The following AGTPBP1 variants were observed in gnomAD, a reference collection of about 807,000 sequenced individuals.
The protein encoded by AGTPBP1 is cytosolic carboxypeptidase 1.
AGTPBP1 carries 70 observed loss-of-function variants against 143.9 expected under a neutral mutation model. The ratio of observed to expected loss-of-function variants is 0.49; its 90% CI spans 0.40 to 0.59. AGTPBP1 has a LOEUF of 0.59. Ranked by LOEUF, AGTPBP1 falls within the 20% of genes least tolerant of loss-of-function variation. AGTPBP1 has a pLI of 0.00. For missense variants in AGTPBP1, 1,229 were observed against 1,464.5 expected (o/e 0.84, Z 2.62); for synonymous variants, 463 against 500.2 (o/e 0.93, Z 0.99).
chr9:85,710,516 A>C (rs1341222700), intron 2 of AGTPBP1, among the ~76,000 whole-genome samples: 1 of 152,116 alleles, frequency 6.6e-6, no homozygotes, highest in Non-Finnish European at 1.5e-5. Context: ...CACAGTCTCA[A>C]TATGCCATAC....
At chr9:85,622,307 A>G (rs1830984541) in intron 14 of AGTPBP1, among the ~76,000 whole-genome samples, 1 of 152,222 alleles carries the variant, frequency 6.6e-6, no homozygotes, top group South Asian at 2.1e-4. Context: ...TTAAACACTG[A>G]CAGTCTTAAA....
At chr9:85,643,275 T>G (rs1832611555) in intron 12 of AGTPBP1, among the ~76,000 whole-genome samples, 1 of 152,160 alleles carries the variant, frequency 6.6e-6, no homozygotes, top group East Asian at 1.9e-4. Context: ...ATAAAACAGC[T>G]AACATTAAGC....
intron 1 of AGTPBP1, among the ~76,000 whole-genome samples, chr9:85,721,889 T>C (rs1403572214): frequency 6.6e-6 from 1 of 152,238 alleles, no homozygotes; most frequent in Non-Finnish European, 1.5e-5. Context: ...CTCTCAGCAT[T>C]TGCTTGTCTG....
intron 1 of AGTPBP1, among the ~76,000 whole-genome samples, chr9:85,714,599 T>C (rs140170501): frequency 7.2e-5 from 11 of 152,244 alleles, no homozygotes; most frequent in African/African-American, 1.2e-4. Context: ...AAAAAGACAA[T>C]TGTAAAATGT....
intron 13 of AGTPBP1, among the ~76,000 whole-genome samples, chr9:85,641,372 A>T (rs983793261): frequency 1.3e-5 from 2 of 152,210 alleles, no homozygotes; most frequent in Non-Finnish European, 2.9e-5. Flanking sequence ...CAAATGTGTT[A>T]AAAGAGCTCA....
intron 13 of AGTPBP1, among the ~76,000 whole-genome samples, chr9:85,641,233 A>G (rs1309801336): frequency 6.6e-6 from 1 of 152,238 alleles, no homozygotes; most frequent in Non-Finnish European, 1.5e-5. Flanking sequence ...AGTAGAAGGT[A>G]CAGAAGAAAC....
intron 6 of AGTPBP1, 77 bp downstream of exon 6, chr9:85,677,359 G>A (rs1834893485): frequency 7.6e-7 from 1 of 1,308,274 alleles, no homozygotes; most frequent in Non-Finnish European, 1.1e-6. Context: ...TTTAAAAACT[G>A]AGTAGTTACA....
At chr9:85,587,603 A>G (rs900658695) in intron 21 of AGTPBP1, among the ~76,000 whole-genome samples, 11 of 152,186 alleles carry the variant, frequency 7.2e-5, no homozygotes, top group African/African-American at 1.9e-4. Flanking sequence ...AAGAAATTCT[A>G]TATTTTAAAA....
intron 25 of AGTPBP1, among the ~76,000 whole-genome samples, chr9:85,556,570 T>A (rs1186236256): frequency 3.3e-5 from 5 of 152,136 alleles, no homozygotes; most frequent in African/African-American, 1.2e-4. Context: ...TACAATTACC[T>A]GGTACATACA....
chr9:85,569,397 T>C (rs762331528), intron 25 of AGTPBP1, among the ~76,000 whole-genome samples: 11 of 151,944 alleles, frequency 7.2e-5, no homozygotes, highest in Non-Finnish European at 1.2e-4. Flanking sequence ...CTATATTATA[T>C]TACTATAAAA....
At chr9:85,798,869 C>T in the AGTPBP1 span, among the ~76,000 whole-genome samples, 1 of 151,976 alleles carries the variant, frequency 6.6e-6, no homozygotes, top group African/African-American at 2.4e-5. Flanking sequence ...TATCATTATA[C>T]TTTAAGTTCT....
chr9:85,591,879 G>T (rs1194880414), intron 19 of AGTPBP1, among the ~76,000 whole-genome samples: 1 of 152,026 alleles, frequency 6.6e-6, no homozygotes. Flanking sequence ...CATTAGAATA[G>T]ATATTCTGTT....
the AGTPBP1 span, among the ~76,000 whole-genome samples, chr9:85,779,243 ATATCT>A: frequency 7.4e-6 from 1 of 134,418 alleles, no homozygotes; most frequent in Non-Finnish European, 1.6e-5. Context: ...ATAGATATAG[ATATCT>A]ATATAAATAT....
the AGTPBP1 span, among the ~76,000 whole-genome samples, chr9:85,789,200 C>CA: frequency 6.6e-6 from 1 of 152,048 alleles, no homozygotes. Flanking sequence ...GCCACATATG[C>CA]AAACACACAT....
In AGTPBP1 at chr9:85,741,808, A is replaced by G; in HGVS notation, c.-67T>C. ...GATGGGGCGCTGGCGGGGACCGCGC[A>G]GAGCCGCAGCACCCGGCTCAGCACC... is the stretch of plus-strand genomic sequence containing the variant. On this transcript the variant is annotated 5_prime_UTR_variant, in exon 1 of 26. Transcript: ENST00000357081. The G allele has an allele frequency of 7.3e-7, 1 of 1,375,796 alleles. No individual in the cohort carries two copies. Among genetic ancestry groups the G allele is most frequent in the Non-Finnish European group, 9.4e-7 (1 of 1,066,900 alleles). 85.2% of individuals were successfully genotyped at this position (1,375,796 alleles called of 1,614,324 possible).
intron 19 of AGTPBP1, among the ~76,000 whole-genome samples, chr9:85,590,315 T>A (rs1235635364): frequency 6.6e-6 from 1 of 152,022 alleles, no homozygotes; most frequent in Non-Finnish European, 1.5e-5. Context: ...TACAGACTTT[T>A]ATAATTTGAT....
chr9:85,682,920 T>G (rs12339559), intron 3 of AGTPBP1, among the ~76,000 whole-genome samples: 3,091 of 152,324 alleles, frequency 0.02, 90 homozygotes, highest in African/African-American at 0.063. Context: ...GGACATAGTA[T>G]AATGTTATTT....
the AGTPBP1 span, among the ~76,000 whole-genome samples, chr9:85,747,694 G>A: frequency 6.6e-6 from 1 of 152,098 alleles, no homozygotes; most frequent in Admixed American, 6.6e-5. Context: ...AAGAGTATGA[G>A]TTTAATTGCA....
intron 13 of AGTPBP1, among the ~76,000 whole-genome samples, chr9:85,637,356 T>G (rs570343066): frequency 5.8e-4 from 89 of 152,248 alleles, no homozygotes; most frequent in Non-Finnish European, 9.4e-4. Context: ...CCAAAAAATT[T>G]TGTGCACAAA....
Sources: allele counts gnomAD v4.1 joint callset (sites outside exome capture counted in the v4.1 genomes callset), GRCh38; gene constraint gnomAD v4.1.1; transcripts MANE v1.5; gene names NCBI Gene and HGNC (gene_info 2026-07-23, HGNC 2026-07-21).